PDE4D: variants seen among roughly 807,000 people sequenced by gnomAD.
PDE4D encodes phosphodiesterase 4D.
PDE4D carries 24 observed loss-of-function variants against 87.4 expected under a neutral mutation model. That is an observed-to-expected ratio of 0.27 (90% CI 0.20 to 0.39). The LOEUF is 0.39. PDE4D is among the 10% of genes least tolerant of loss of function. PDE4D has a pLI of 1.00. For missense variants in PDE4D, 714 were observed against 1,041.0 expected (o/e 0.69, Z 4.32); for synonymous variants, 384 against 383.2 (o/e 1.00, Z -0.02).
intron 1 of PDE4D, among the ~76,000 whole-genome samples, chr5:59,629,336 A>G (rs1831281109): frequency 6.6e-6 from 1 of 152,172 alleles, no homozygotes; most frequent in Non-Finnish European, 1.5e-5. Flanking sequence ...AGATGAGGTC[A>G]TATAGGAGTA....
chr5:60,307,542 C>T (rs770319663), intron 1 of PDE4D, among the ~76,000 whole-genome samples: 1 of 152,054 alleles, frequency 6.6e-6, no homozygotes, highest in Non-Finnish European at 1.5e-5. Flanking sequence ...CAGAGGTTAG[C>T]CTCTAAATTC....
intron 1 of PDE4D, among the ~76,000 whole-genome samples, chr5:59,428,897 T>C (rs569580283): frequency 7.2e-5 from 11 of 152,190 alleles, no homozygotes; most frequent in Non-Finnish European, 1.3e-4. Context: ...AAAAGATGGA[T>C]CTGGTATTTT....
At chr5:59,728,468 T>A (rs1440429271) in intron 1 of PDE4D, among the ~76,000 whole-genome samples, 1 of 152,086 alleles carries the variant, frequency 6.6e-6, no homozygotes, top group Non-Finnish European at 1.5e-5. Context: ...CCTTTCAAGT[T>A]ATTCAAATGC....
At chr5:60,309,693 G>A (rs562399168) in intron 1 of PDE4D, among the ~76,000 whole-genome samples, 1 of 152,224 alleles carries the variant, frequency 6.6e-6, no homozygotes, top group Admixed American at 6.5e-5. Context: ...TCTCCTCACT[G>A]GATCTACAGA....
intron 2 of PDE4D, among the ~76,000 whole-genome samples, chr5:60,129,531 A>G (rs765066726): frequency 6.6e-6 from 1 of 152,180 alleles, no homozygotes; most frequent in Admixed American, 6.5e-5. Context: ...GACCAGCTAC[A>G]TGATGTAAGA....
intron 1 of PDE4D, among the ~76,000 whole-genome samples, chr5:60,520,198 A>G (rs1374761805): frequency 6.6e-6 from 1 of 151,944 alleles, no homozygotes; most frequent in East Asian, 1.9e-4. Flanking sequence ...AGCCAGATAC[A>G]CTCTGGTCAA....
At chr5:59,587,138 A>G (rs573630096) in intron 1 of PDE4D, 1 of 337,626 alleles carries the variant, frequency 3.0e-6, no homozygotes, top group Non-Finnish European at 4.2e-6. Flanking sequence ...CTGCTGCCTA[A>G]CCCCATAATA....
At chr5:59,374,172 T>A (rs1784357376) in intron 1 of PDE4D, among the ~76,000 whole-genome samples, 1 of 152,090 alleles carries the variant, frequency 6.6e-6, no homozygotes, top group Non-Finnish European at 1.5e-5. Context: ...AATTCACACA[T>A]AACAATATTA....
intron 1 of PDE4D, among the ~76,000 whole-genome samples, chr5:59,350,044 C>G (rs1188352573): frequency 6.6e-6 from 1 of 152,126 alleles, no homozygotes; most frequent in Non-Finnish European, 1.5e-5. Context: ...ATAATGCATT[C>G]TACAAAAATG....
intron 1 of PDE4D, among the ~76,000 whole-genome samples, chr5:59,666,545 A>C (rs1339454061): frequency 6.6e-6 from 1 of 152,210 alleles, no homozygotes; most frequent in Non-Finnish European, 1.5e-5. Flanking sequence ...GTCCCTGCCT[A>C]AGCAGGTTTT....
At chr5:59,278,239 A>T (rs1489411797) in intron 1 of PDE4D, among the ~76,000 whole-genome samples, 3 of 152,080 alleles carry the variant, frequency 2.0e-5, no homozygotes, top group Admixed American at 1.3e-4. Flanking sequence ...AGCATCCTGT[A>T]GTTTTCCCTC....
At chr5:60,316,322 T>A (rs542247059) in intron 1 of PDE4D, among the ~76,000 whole-genome samples, 1 of 152,352 alleles carries the variant, frequency 6.6e-6, no homozygotes, top group African/African-American at 2.4e-5. Context: ...TTGTGATTTT[T>A]GCACATTGAT....
intron 11 of PDE4D, among the ~76,000 whole-genome samples, chr5:58,978,928 G>A (rs1424538714): frequency 6.6e-6 from 1 of 152,010 alleles, no homozygotes; most frequent in African/African-American, 2.4e-5. Context: ...TTCTACAGTG[G>A]AATCAAATAA....
chr5:59,419,587 G>C (rs763245076), intron 1 of PDE4D, among the ~76,000 whole-genome samples: 7 of 152,198 alleles, frequency 4.6e-5, no homozygotes, highest in Non-Finnish European at 7.3e-5. Flanking sequence ...CTTGCAGAAA[G>C]CTGAATAGAA....
chr5:59,431,521 T>C (rs1270528129), intron 1 of PDE4D, among the ~76,000 whole-genome samples: 1 of 152,184 alleles, frequency 6.6e-6, no homozygotes, highest in East Asian at 1.9e-4. Flanking sequence ...GAAAAAGGGC[T>C]ACATTTTATT....
intron 1 of PDE4D, among the ~76,000 whole-genome samples, chr5:60,275,037 C>A (rs1487881631): frequency 6.6e-6 from 1 of 152,166 alleles, no homozygotes; most frequent in African/African-American, 2.4e-5. Flanking sequence ...GTTGTTAAAA[C>A]AGAGATTGCT....
At chr5:59,121,568 A>G (rs1774513630) in intron 5 of PDE4D, among the ~76,000 whole-genome samples, 1 of 152,152 alleles carries the variant, frequency 6.6e-6, no homozygotes, top group South Asian at 2.1e-4. Context: ...AAAAAATAAC[A>G]GATGCTGGCT....
At chr5:59,361,691 C>A (rs1259716792) in intron 1 of PDE4D, among the ~76,000 whole-genome samples, 2 of 152,060 alleles carry the variant, frequency 1.3e-5, no homozygotes, top group South Asian at 4.1e-4. Flanking sequence ...CCCTGATAGA[C>A]CTAAACACTA....
intron 2 of PDE4D, among the ~76,000 whole-genome samples, chr5:60,063,076 GAAGAAAGAAAGAAAGAAAGAAGA>G (rs1268171829): frequency 2.2e-3 from 258 of 115,886 alleles, no homozygotes; most frequent in African/African-American, 8.3e-3. Context: ...AAAACTTAAA[GAAGAAAGAAAGAAAGAAAGAAGA>G]AAGAAAGAAA....
Sources: gnomAD v4.1 joint callset for allele counts (sites outside exome capture counted in the v4.1 genomes callset) on GRCh38, gnomAD v4.1.1 for gene constraint, MANE v1.5 for transcripts, NCBI Gene and HGNC (gene_info 2026-07-23, HGNC 2026-07-21) for gene names.